TENM3: variants seen among roughly 807,000 people sequenced by gnomAD.
TENM3 encodes the protein teneurin transmembrane protein 3.
TENM3 carries 63 observed loss-of-function variants against 255.1 expected under a neutral mutation model. The ratio of observed to expected loss-of-function variants is 0.25; its 90% CI spans 0.20 to 0.30. The LOEUF is 0.30. TENM3 is among the 10% of genes least tolerant of loss of function. The pLI is 1.00. For missense variants in TENM3, 2,929 were observed against 3,461.1 expected, an observed-to-expected ratio of 0.85 and a Z score of 3.86; for synonymous variants, 1,306 against 1,322.3, an observed-to-expected ratio of 0.99 and a Z score of 0.27.
the TENM3 span, among the ~76,000 whole-genome samples, chr4:181,748,564 G>C: frequency 1.3e-5 from 2 of 152,042 alleles, no homozygotes; most frequent in Non-Finnish European, 2.9e-5. Flanking sequence ...TTTTGCTAGT[G>C]ACGGTTTATA....
At chr4:182,106,671 T>C in the TENM3 span, among the ~76,000 whole-genome samples, 1 of 152,122 alleles carries the variant, frequency 6.6e-6, no homozygotes, top group Non-Finnish European at 1.5e-5. Context: ...TTAGAGTCTT[T>C]GGGGTAGCTT....
chr4:182,632,065 A>G (rs1032843410), intron 5 of TENM3, among the ~76,000 whole-genome samples: 4 of 152,222 alleles, frequency 2.6e-5, no homozygotes, highest in Non-Finnish European at 4.4e-5. Flanking sequence ...CATGCTGTCA[A>G]CTTTTTGGTG....
chr4:181,543,328 G>T, the TENM3 span, among the ~76,000 whole-genome samples: 1 of 152,090 alleles, frequency 6.6e-6, no homozygotes, highest in African/African-American at 2.4e-5. Flanking sequence ...AGGATAAAAT[G>T]TAAGGGGAGG....
At chr4:182,051,356 C>A in the TENM3 span, among the ~76,000 whole-genome samples, 5 of 147,042 alleles carry the variant, frequency 3.4e-5, no homozygotes, top group African/African-American at 1.2e-4. Flanking sequence ...AAAAAAAAAG[C>A]AAATGAAGTT....
upstream of TENM3, among the ~76,000 whole-genome samples, chr4:182,140,909 G>C (rs1485429117): frequency 1.3e-5 from 2 of 152,184 alleles, no homozygotes; most frequent in African/African-American, 4.8e-5. Context: ...GCAGGGTGCT[G>C]TTGGCCTTGC....
At chr4:182,779,736 T>C (rs1269559951) in intron 24 of TENM3, among the ~76,000 whole-genome samples, 2 of 152,212 alleles carry the variant, frequency 1.3e-5, no homozygotes, top group Non-Finnish European at 1.5e-5. Flanking sequence ...TCCTGACTTT[T>C]TAATGATTGC....
chr4:181,574,127 G>A, the TENM3 span, among the ~76,000 whole-genome samples: 2 of 152,166 alleles, frequency 1.3e-5, no homozygotes, highest in Non-Finnish European at 2.9e-5. Flanking sequence ...TCTGATAACT[G>A]CTTTTATGTT....
At chr4:181,645,903 T>A in the TENM3 span, among the ~76,000 whole-genome samples, 1 of 152,188 alleles carries the variant, frequency 6.6e-6, no homozygotes, top group African/African-American at 2.4e-5. Context: ...TTTTTTGTCT[T>A]TTAAAAAAAC....
chr4:182,348,711 A>G (rs932580242), intron 3 of TENM3, among the ~76,000 whole-genome samples: 2 of 152,240 alleles, frequency 1.3e-5, no homozygotes, highest in African/African-American at 4.8e-5. Flanking sequence ...TTGGTAAAAT[A>G]TAAATTAATT....
In TENM3 at chr4:182,164,556, CT is replaced by C. The variant is rs149450453; in HGVS notation, c.-76+19806del. 7.8e-3 allele frequency among the ~76,000 whole-genome samples: 1,190 copies of C among 152,298 alleles called. 18 individuals are homozygous for C. Among genetic ancestry groups the C allele is most frequent in the African/African-American group, 0.027 (1,130 of 41,558 alleles). ...CTCATTCTCCACACCTCAAATTGAT[CT>C]TTTAAGAACGCAAAGAGGATCCTGT... On this transcript the variant is annotated intron_variant, in intron 1 of 2. Coordinates refer to the TENM3 transcript ENST00000512480.
chr4:181,957,404 G>A, the TENM3 span, among the ~76,000 whole-genome samples: 1 of 152,098 alleles, frequency 6.6e-6, no homozygotes, highest in Non-Finnish European at 1.5e-5. Flanking sequence ...GATTAATTAA[G>A]GTCAAATCCC....
intron 1 of TENM3, among the ~76,000 whole-genome samples, chr4:182,263,223 C>T (rs147212906): frequency 0.017 from 2,651 of 152,092 alleles, 37 homozygotes; most frequent in Non-Finnish European, 0.024. Flanking sequence ...AGACCCCCGA[C>T]CCAAAGGAAA....
chr4:182,230,078 G>C (rs1458805023), intron 1 of TENM3, among the ~76,000 whole-genome samples: 1 of 146,908 alleles, frequency 6.8e-6, no homozygotes, highest in Non-Finnish European at 1.5e-5. Context: ...ACGTTAATTA[G>C]ATATAAGCAG....
At chr4:182,574,207 A>G (rs913654221) in intron 3 of TENM3, among the ~76,000 whole-genome samples, 11 of 152,098 alleles carry the variant, frequency 7.2e-5, no homozygotes, top group Non-Finnish European at 1.6e-4. Flanking sequence ...CCTCTTTTCA[A>G]TCTTTTAAAA....
chr4:181,787,365 G>GTC, the TENM3 span, among the ~76,000 whole-genome samples: 1 of 148,170 alleles, frequency 6.7e-6, no homozygotes, highest in Non-Finnish European at 1.5e-5. Flanking sequence ...TTGAGACGGA[G>GTC]TCTCACTCTG....
chr4:182,246,190 T>A (rs1458208955), intron 1 of TENM3, among the ~76,000 whole-genome samples: 2 of 152,102 alleles, frequency 1.3e-5, no homozygotes, highest in African/African-American at 2.4e-5. Flanking sequence ...GCAATCTAGG[T>A]ACCACTAATT....
At chr4:181,487,374 A>G in the TENM3 span, among the ~76,000 whole-genome samples, 5 of 152,164 alleles carry the variant, frequency 3.3e-5, no homozygotes, top group Non-Finnish European at 5.9e-5. Flanking sequence ...CATAGACTGC[A>G]TGGGTTATAA....
chr4:182,322,823 C>T (rs148208931), intron 1 of TENM3, among the ~76,000 whole-genome samples: 53 of 152,186 alleles, frequency 3.5e-4, no homozygotes, highest in East Asian at 2.7e-3. Flanking sequence ...ATCTCAACAG[C>T]GGTCACGGCC....
the TENM3 span, among the ~76,000 whole-genome samples, chr4:181,994,394 T>C: frequency 6.6e-6 from 1 of 152,194 alleles, no homozygotes; most frequent in East Asian, 1.9e-4. Flanking sequence ...TAATCTGTTA[T>C]ACATATTTTA....
Sources: gnomAD v4.1 joint callset for allele counts (sites outside exome capture counted in the v4.1 genomes callset) on GRCh38, gnomAD v4.1.1 for gene constraint, MANE v1.5 for transcripts, NCBI Gene and HGNC (gene_info 2026-07-23, HGNC 2026-07-21) for gene names.